Variants in ASIC2 observed in about 807,000 individuals in gnomAD.
ASIC2 encodes the protein acid sensing ion channel subunit 2, also known as acid-sensing ion channel 2.
A neutral mutation model predicts 57.3 loss-of-function variants in ASIC2; 25 were observed. The ratio of observed to expected loss-of-function variants is 0.44; its 90% CI spans 0.32 to 0.61. ASIC2 has a LOEUF of 0.61. ASIC2 is among the 20% of genes least tolerant of loss of function. The probability of loss-of-function intolerance (pLI) is 0.06; values close to 1 mark genes in which losing one functional copy is unlikely to be tolerated. For synonymous variants in ASIC2, 319 were observed against 307.5 expected (o/e 1.04, Z -0.39); for missense variants, 641 against 738.1 (o/e 0.87, Z 1.52).
intron 1 of ASIC2, among the ~76,000 whole-genome samples, chr17:33,798,059 G>A (rs1476721596): frequency 1.3e-5 from 2 of 152,194 alleles, no homozygotes; most frequent in African/African-American, 4.8e-5. Flanking sequence ...TGGGAAACAG[G>A]ATGGGAAAAG....
intron 1 of ASIC2, among the ~76,000 whole-genome samples, chr17:33,437,317 C>G (rs922031465): frequency 2.0e-5 from 3 of 152,122 alleles, no homozygotes; most frequent in African/African-American, 7.2e-5. Context: ...ATGGGCAAGA[C>G]TAAACTATAG....
At chr17:33,198,580 C>A (rs1451477169) in intron 1 of ASIC2, among the ~76,000 whole-genome samples, 6 of 152,166 alleles carry the variant, frequency 3.9e-5, no homozygotes, top group Non-Finnish European at 8.8e-5. Flanking sequence ...ATCCAGGTAG[C>A]CTGACTACAA....
chr17:33,723,231 T>G (rs1303308074), intron 1 of ASIC2, among the ~76,000 whole-genome samples: 1 of 152,202 alleles, frequency 6.6e-6, no homozygotes, highest in Non-Finnish European at 1.5e-5. Flanking sequence ...TATAAGAAGG[T>G]GAAGCTCAAA....
intron 1 of ASIC2, among the ~76,000 whole-genome samples, chr17:33,863,944 T>C (rs317335): frequency 0.73 from 109,736 of 151,070 alleles, 40,196 homozygotes; most frequent in Admixed American, 0.81. Context: ...GCTCTTATTG[T>C]GCAGGCTAGA....
At chr17:33,071,137 A>G (rs1347501026) in intron 3 of ASIC2, among the ~76,000 whole-genome samples, 2 of 152,034 alleles carry the variant, frequency 1.3e-5, no homozygotes, top group Admixed American at 1.3e-4. Context: ...ATGTGGATTT[A>G]TAATTTTCAT....
chr17:33,024,447 C>T (rs934183178), intron 5 of ASIC2, among the ~76,000 whole-genome samples: 5 of 152,222 alleles, frequency 3.3e-5, no homozygotes, highest in African/African-American at 1.2e-4. Flanking sequence ...CCCACCTTCT[C>T]TGCCTGGTGG....
chr17:33,088,794 C>T, intron 3 of ASIC2, 69 bp downstream of exon 3: 1 of 1,486,514 alleles, frequency 6.7e-7, no homozygotes, highest in Non-Finnish European at 8.9e-7. Flanking sequence ...TCCATTTCTC[C>T]TCCTTGTGCC....
At chr17:33,554,622 TTCTTCTG>T (rs1915848654) in intron 1 of ASIC2, among the ~76,000 whole-genome samples, 1 of 152,074 alleles carries the variant, frequency 6.6e-6, no homozygotes, top group Non-Finnish European at 1.5e-5. Context: ...TTTCAAGTGG[TTCTTCTG>T]TCTTCTGTGC....
intron 1 of ASIC2, among the ~76,000 whole-genome samples, chr17:33,449,482 G>T (rs1232815250): frequency 1.3e-5 from 2 of 152,170 alleles, no homozygotes; most frequent in Non-Finnish European, 2.9e-5. Flanking sequence ...TGGCCCAGGT[G>T]CCTCAAGGGA....
chr17:33,624,571 A>G (rs2142023085), intron 1 of ASIC2, among the ~76,000 whole-genome samples: 1 of 152,350 alleles, frequency 6.6e-6, no homozygotes, highest in East Asian at 1.9e-4. Context: ...CATACACAGT[A>G]TCCTTCTTAC....
At chr17:33,543,142 G>T (rs1356171151) in intron 1 of ASIC2, among the ~76,000 whole-genome samples, 22 of 123,530 alleles carry the variant, frequency 1.8e-4, no homozygotes, top group Non-Finnish European at 2.8e-4. Flanking sequence ...GTGGTGGGGT[G>T]GGGGGAGGGG....
At chr17:33,171,289 C>T (rs1431448413) in intron 1 of ASIC2, among the ~76,000 whole-genome samples, 1 of 152,202 alleles carries the variant, frequency 6.6e-6, no homozygotes, top group African/African-American at 2.4e-5. Flanking sequence ...CTAGCCCAAA[C>T]TTCTCAGAAT....
At chr17:34,032,221 G>C (rs996480654) in intron 1 of ASIC2, among the ~76,000 whole-genome samples, 2 of 152,160 alleles carry the variant, frequency 1.3e-5, no homozygotes, top group Admixed American at 6.5e-5. Context: ...CATTCTTAAA[G>C]AAAAGAATTT....
intron 1 of ASIC2, among the ~76,000 whole-genome samples, chr17:33,915,005 T>C (rs1915553747): frequency 6.6e-6 from 1 of 152,210 alleles, no homozygotes; most frequent in Non-Finnish European, 1.5e-5. Context: ...TAACTCAACC[T>C]GAAGGGTTAG....
At chr17:33,653,250 T>C (rs1906977911) in intron 1 of ASIC2, among the ~76,000 whole-genome samples, 1 of 152,150 alleles carries the variant, frequency 6.6e-6, no homozygotes, top group Non-Finnish European at 1.5e-5. Flanking sequence ...TGCCTTTAGA[T>C]TTCTGCTCTG....
At chr17:33,630,689 G>A (rs1421450583) in intron 1 of ASIC2, among the ~76,000 whole-genome samples, 1 of 152,136 alleles carries the variant, frequency 6.6e-6, no homozygotes. Context: ...TCTGTAATAT[G>A]GAAAAGATAA....
At chr17:33,447,726 T>A (rs1259786856) in intron 1 of ASIC2, among the ~76,000 whole-genome samples, 1 of 152,144 alleles carries the variant, frequency 6.6e-6, no homozygotes, top group Non-Finnish European at 1.5e-5. Context: ...ATAACTGATA[T>A]ATCTTGTAGA....
rs866729155 is a variant in ASIC2 at position 33,620,255 on chromosome 17, A to C, written c.556-508188T>G. Among the ~76,000 whole-genome samples, 76 of 151,868 alleles carry C rather than the reference A, an allele frequency of 5.0e-4. No individual in the cohort carries two copies. The Middle Eastern group carries it at 0.01, about 21-fold the overall frequency. ...AGAGGAAAATGAAAAAAAAAAAAAAAAAAAAACACGTCCTGCATTTTCCAT... is the reference window on the plus strand; with the variant it reads ...AGAGGAAAATGAAAAAAAAAAAAAACAAAAAACACGTCCTGCATTTTCCAT... On this transcript the variant is annotated intron_variant, in intron 1 of 9. Coordinates refer to the ASIC2 transcript ENST00000359872.
intron 1 of ASIC2, among the ~76,000 whole-genome samples, chr17:33,552,803 A>AGAT (rs1915791737): frequency 6.6e-6 from 1 of 152,248 alleles, no homozygotes; most frequent in Admixed American, 6.5e-5. Flanking sequence ...GCTGGAAGCC[A>AGAT]GATGGTCAGT....
Sources: gnomAD v4.1 joint callset for allele counts (sites outside exome capture counted in the v4.1 genomes callset) on GRCh38, gnomAD v4.1.1 for gene constraint, MANE v1.5 for transcripts, NCBI Gene and HGNC (gene_info 2026-07-23, HGNC 2026-07-21) for gene names.